Variants in RAB7A observed in about 807,000 individuals in gnomAD.
RAB7A encodes the protein RAB7A, member RAS oncogene family.
In RAB7A, 2 loss-of-function variants were observed where a neutral mutation model predicts 24.5. That is an observed-to-expected ratio of 0.08 (90% CI 0.03 to 0.26). The LOEUF is 0.26. RAB7A is among the 10% of genes least tolerant of loss of function. The probability of loss-of-function intolerance (pLI) is 1.00; values close to 1 mark genes in which losing one functional copy is unlikely to be tolerated. For missense variants in RAB7A, 118 were observed against 255.7 expected, an observed-to-expected ratio of 0.46 and a Z score of 3.67; for synonymous variants, 100 against 95.9, an observed-to-expected ratio of 1.04 and a Z score of -0.25.
At chr3:128,808,406 C>T (rs1933850207) in intron 5 of RAB7A, among the ~76,000 whole-genome samples, 1 of 151,924 alleles carries the variant, frequency 6.6e-6, no homozygotes, top group Admixed American at 6.6e-5. Context: ...TGAACTTCTA[C>T]CCCCTCACCT....
At chr3:128,810,211 G>A (rs1004729265) in intron 5 of RAB7A, among the ~76,000 whole-genome samples, 2 of 151,894 alleles carry the variant, frequency 1.3e-5, no homozygotes, top group Admixed American at 1.3e-4. Flanking sequence ...CTCCCAAAGT[G>A]CTGGGGTTAC....
At position 128,795,431 on chromosome 3, in the gene RAB7A, C is replaced by A; in HGVS notation, c.53+11C>A. Reference sequence around the variant, plus strand: ...CCTGGGAGATTCTGGGTAAGTTACTCATGAATTTGAGCTAACAGATTGGCT... The same window carrying A: ...CCTGGGAGATTCTGGGTAAGTTACTAATGAATTTGAGCTAACAGATTGGCT... On this transcript the variant is annotated intron_variant, in intron 2 of 5. Coordinates refer to ENST00000265062, the MANE Select transcript of RAB7A (RefSeq NM_004637.6). 3 of 1,609,074 alleles carry A rather than the reference C, an allele frequency of 1.9e-6. No homozygotes were observed. The highest frequency in any genetic ancestry group is 2.6e-6 in the Non-Finnish European group (3 of 1,175,440).
At chr3:128,760,413 C>A (rs925071363) in intron 1 of RAB7A, among the ~76,000 whole-genome samples, 1 of 152,178 alleles carries the variant, frequency 6.6e-6, no homozygotes. Context: ...CTGTTTATCT[C>A]TGGAGAGCCC....
At chr3:128,806,021 A>G (rs1490212303) in intron 3 of RAB7A, among the ~76,000 whole-genome samples, 1 of 152,052 alleles carries the variant, frequency 6.6e-6, no homozygotes, top group East Asian at 1.9e-4. Context: ...ACTTCCCTAT[A>G]TTTCCATTGC....
intron 1 of RAB7A, among the ~76,000 whole-genome samples, chr3:128,743,263 G>T (rs778683635): frequency 6.6e-6 from 1 of 152,216 alleles, no homozygotes; most frequent in Non-Finnish European, 1.5e-5. Context: ...CCGCTGGTCC[G>T]CGAGTGCCGC....
At chr3:128,796,017 C>G (rs1371476296) in intron 2 of RAB7A, among the ~76,000 whole-genome samples, 1 of 151,944 alleles carries the variant, frequency 6.6e-6, no homozygotes, top group Non-Finnish European at 1.5e-5. Context: ...TCCCAAAGTG[C>G]TGGGATTACA....
intron 1 of RAB7A, among the ~76,000 whole-genome samples, chr3:128,742,576 C>A (rs749180215): frequency 6.6e-6 from 1 of 152,034 alleles, no homozygotes; most frequent in Non-Finnish European, 1.5e-5. Flanking sequence ...TCTAGCTAGA[C>A]GTAAAAGTTC....
chr3:128,803,097 A>C (rs1015482242), intron 3 of RAB7A, among the ~76,000 whole-genome samples: 8 of 152,232 alleles, frequency 5.3e-5, no homozygotes, highest in Admixed American at 2.0e-4. Context: ...GGCATGAGCC[A>C]CTGCGCTCAG....
Position 128,808,601 on chromosome 3 carries a change from T to G in RAB7A, c.528+930T>G, listed in dbSNP as rs886667034. On this transcript the variant is annotated intron_variant, in intron 5 of 5. Transcript: ENST00000265062. Reference sequence around the variant, plus strand: ...AATACCTAGAATTTCTTATTTACTGTTTCTGTGATTAGATACAACCACTCA... The same window carrying G: ...AATACCTAGAATTTCTTATTTACTGGTTCTGTGATTAGATACAACCACTCA... Among the ~76,000 whole-genome samples the G allele has an allele frequency of 2.6e-5, 4 of 152,166 alleles. No homozygotes were observed. The East Asian group carries it at 7.7e-4, about 29-fold the overall frequency.
At chr3:128,781,875 C>T (rs149332527) in intron 1 of RAB7A, among the ~76,000 whole-genome samples, 178 of 152,114 alleles carry the variant, frequency 1.2e-3, no homozygotes, top group African/African-American at 3.4e-3. Flanking sequence ...CAGTTGGGTG[C>T]GGTGGCACGT....
chr3:128,760,405 G>C (rs922980906), intron 1 of RAB7A, among the ~76,000 whole-genome samples: 1 of 152,152 alleles, frequency 6.6e-6, no homozygotes, highest in Non-Finnish European at 1.5e-5. Flanking sequence ...TATTGGTTCT[G>C]TTTATCTCTG....
intron 1 of RAB7A, among the ~76,000 whole-genome samples, chr3:128,734,429 T>A (rs1190806681): frequency 1.5e-4 from 19 of 129,028 alleles, no homozygotes; most frequent in African/African-American, 5.5e-4. Context: ...CACTCTAGCC[T>A]GGGCGACAGA....
At chr3:128,792,631 C>T (rs1341777387) in intron 1 of RAB7A, among the ~76,000 whole-genome samples, 3 of 151,624 alleles carry the variant, frequency 2.0e-5, no homozygotes, top group Non-Finnish European at 4.4e-5. Context: ...TGGTCTTGAA[C>T]TGCTGACCTC....
chr3:128,774,674 G>A (rs1411292083), intron 1 of RAB7A, among the ~76,000 whole-genome samples: 1 of 152,184 alleles, frequency 6.6e-6, no homozygotes, highest in Non-Finnish European at 1.5e-5. Flanking sequence ...CCGGGTTCAC[G>A]CCATTCTCCT....
intron 3 of RAB7A, chr3:128,798,821 TAAAAAAAAAAA>T (rs56925997): frequency 3.3e-5 from 5 of 150,594 alleles, no homozygotes; most frequent in Non-Finnish European, 5.9e-5. Context: ...TCTCTAAATT[TAAAAAAAAAAA>T]AAAAAAAAAA....
chr3:128,777,447 G>A (rs1263261440), intron 1 of RAB7A, among the ~76,000 whole-genome samples: 2 of 151,830 alleles, frequency 1.3e-5, no homozygotes, highest in Admixed American at 6.6e-5. Context: ...AGCAGTCCTC[G>A]CAATGTATTG....
At chr3:128,768,255 A>T (rs983608217) in intron 1 of RAB7A, among the ~76,000 whole-genome samples, 2 of 152,112 alleles carry the variant, frequency 1.3e-5, no homozygotes, top group African/African-American at 4.8e-5. Context: ...GTATGTATCT[A>T]TAGTTCATTC....
intron 1 of RAB7A, chr3:128,764,832 C>T: frequency 3.0e-6 from 3 of 1,015,340 alleles, no homozygotes; most frequent in Non-Finnish European, 4.6e-6. Flanking sequence ...GTTCCCTCTC[C>T]TCATGAGATT....
intron 1 of RAB7A, among the ~76,000 whole-genome samples, chr3:128,735,736 G>T (rs1173355190): frequency 6.6e-6 from 1 of 152,170 alleles, no homozygotes; most frequent in Non-Finnish European, 1.5e-5. Flanking sequence ...AGCAATTTAT[G>T]GGCAGTCTGT....
Sources: gnomAD v4.1 joint callset for allele counts (sites outside exome capture counted in the v4.1 genomes callset) on GRCh38, gnomAD v4.1.1 for gene constraint, MANE v1.5 for transcripts, NCBI Gene and HGNC (gene_info 2026-07-23, HGNC 2026-07-21) for gene names.